COL13A1: variants seen among roughly 807,000 people sequenced by gnomAD.
The protein encoded by COL13A1 is collagen type XIII alpha 1 chain, also known as collagen alpha-1(XIII) chain.
In COL13A1, 89 loss-of-function variants were observed where a neutral mutation model predicts 130.9. That is an observed-to-expected ratio of 0.68 (90% CI 0.57 to 0.81). The LOEUF is 0.81. Among genes scored for constraint, COL13A1 ranks in the 30% least tolerant of loss-of-function variants. COL13A1 has a pLI of 0.00. For missense variants in COL13A1, 879 were observed against 934.6 expected (o/e 0.94, Z 0.78); for synonymous variants, 402 against 341.6 (o/e 1.18, Z -1.95).
rs771385632 is a variant in COL13A1 at position 69,917,300 on chromosome 10, C to T, written c.933C>T (p.Gly311=). 46 of 1,613,578 alleles carry T rather than the reference C, an allele frequency of 2.9e-5. No individual in the cohort carries two copies. The Admixed American group carries it at 7.7e-4, about 27-fold the overall frequency. The change falls in exon 18 of 41, where the codon GGC becomes GGT. Residue 311 remains glycine (G), a synonymous_variant. Transcript: ENST00000645393. Reference sequence around the variant, plus strand: ...ATTTCTTCCTCCAGGGAGAACGGGGCATGCCAGGGATGCCAGGCAAGCATG... The same window carrying T: ...ATTTCTTCCTCCAGGGAGAACGGGGTATGCCAGGGATGCCAGGCAAGCATG... ...QGYHGRKGER[G]MPGMPGKHGA...
At chr10:69,883,081 G>T (rs1306620158) in intron 7 of COL13A1, among the ~76,000 whole-genome samples, 1 of 152,190 alleles carries the variant, frequency 6.6e-6, no homozygotes, top group Non-Finnish European at 1.5e-5. Flanking sequence ...GCCACTCTTA[G>T]GGGCCACCTG....
intron 4 of COL13A1, 105 bp from the exon 5 acceptor site, chr10:69,875,023 G>A (rs2059436264): frequency 7.1e-7 from 1 of 1,411,186 alleles, no homozygotes; most frequent in African/African-American, 1.4e-5. Context: ...GCTGCAAACT[G>A]GGTTAGCTGT....
chr10:69,897,096 G>C (rs1161799585), intron 13 of COL13A1, among the ~76,000 whole-genome samples: 2 of 151,992 alleles, frequency 1.3e-5, no homozygotes, highest in African/African-American at 4.8e-5. Context: ...GTGACAGAAG[G>C]CTGCAGAATA....
intron 26 of COL13A1, chr10:69,926,101 T>C (rs2065316304): frequency 7.4e-6 from 4 of 537,386 alleles, no homozygotes; most frequent in Non-Finnish European, 1.3e-5. Context: ...GCTCTCTGTC[T>C]GGGCCCAGCT....
At chr10:69,878,863 T>C (rs535681869) in intron 6 of COL13A1, among the ~76,000 whole-genome samples, 1 of 152,376 alleles carries the variant, frequency 6.6e-6, no homozygotes, top group Non-Finnish European at 1.5e-5. Flanking sequence ...TGGCCCAAGA[T>C]GGCACAGCAA....
At chr10:69,887,395 A>C (rs542550851) in intron 7 of COL13A1, 61 bp from the exon 8 acceptor site, 40 of 1,549,788 alleles carry the variant, frequency 2.6e-5, no homozygotes, top group Admixed American at 1.5e-4. Flanking sequence ...CTGGAGGCCT[A>C]GGGATTGGCT....
Position 69,927,462 on chromosome 10 carries a change from T to C in COL13A1, c.1422+352T>C, listed in dbSNP as rs533154280. On this transcript the variant is annotated intron_variant, in intron 27 of 40. Transcript: ENST00000645393. ...GGATGTTTTTAATGTTTCTCTTTTT[T>C]CCCAACTTTTAGCTAATTAAATCCT... Among the ~76,000 whole-genome samples, 14 of 152,290 alleles carry C rather than the reference T, an allele frequency of 9.2e-5. No individual in the cohort carries two copies. The East Asian group carries it at 9.6e-4, about 10-fold the overall frequency.
intron 13 of COL13A1, among the ~76,000 whole-genome samples, chr10:69,896,474 T>A (rs551806421): frequency 6.6e-6 from 1 of 152,138 alleles, no homozygotes; most frequent in Admixed American, 6.5e-5. Context: ...TCTTTAGGCA[T>A]CTCTCCCCGC....
chr10:69,907,405 G>C (rs1289811855), intron 17 of COL13A1, among the ~76,000 whole-genome samples: 1 of 152,210 alleles, frequency 6.6e-6, no homozygotes, highest in Non-Finnish European at 1.5e-5. Context: ...GAAGCCGACA[G>C]TCAAGGGGCC....
At chr10:69,818,831 G>A (rs2132507653) in intron 1 of COL13A1, among the ~76,000 whole-genome samples, 1 of 152,310 alleles carries the variant, frequency 6.6e-6, no homozygotes, top group African/African-American at 2.4e-5. Context: ...CCTATGGTGA[G>A]GACACTGTTC....
intron 36 of COL13A1, among the ~76,000 whole-genome samples, chr10:69,944,700 A>G (rs924985905): frequency 2.0e-5 from 3 of 149,528 alleles, no homozygotes; most frequent in Non-Finnish European, 4.4e-5. Flanking sequence ...GAAAGAAAGA[A>G]AAAGAAAAAG....
chr10:69,885,937 T>C (rs535140359), intron 7 of COL13A1, among the ~76,000 whole-genome samples: 5 of 152,288 alleles, frequency 3.3e-5, no homozygotes, highest in African/African-American at 1.2e-4. Context: ...CACTCCCTGT[T>C]GAACCAGCGC....
chr10:69,812,151 C>T (rs572222348), intron 1 of COL13A1, among the ~76,000 whole-genome samples: 3 of 152,234 alleles, frequency 2.0e-5, no homozygotes, highest in Middle Eastern at 3.2e-3. Flanking sequence ...GGCTAGAGAC[C>T]GCATTGCTAA....
chr10:69,945,625 G>T (rs778223817), intron 36 of COL13A1, 46 bp from the exon 37 acceptor site: 1 of 1,596,554 alleles, frequency 6.3e-7, no homozygotes, highest in Non-Finnish European at 8.5e-7. Context: ...AAGGAAGATT[G>T]TTACCGTGTC....
At chr10:69,898,787 C>T (rs1362226886) in intron 14 of COL13A1, 25 bp downstream of exon 14, 6 of 1,593,084 alleles carry the variant, frequency 3.8e-6, no homozygotes. Flanking sequence ...TTTGTCCAGA[C>T]CATGTGTGGT....
intron 2 of COL13A1, among the ~76,000 whole-genome samples, chr10:69,826,807 C>A (rs1242569226): frequency 6.6e-6 from 1 of 152,164 alleles, no homozygotes; most frequent in Non-Finnish European, 1.5e-5. Flanking sequence ...CTGGCTCTGC[C>A]ATCTTCATCT....
At chr10:69,908,615 G>C (rs1210933636) in intron 17 of COL13A1, among the ~76,000 whole-genome samples, 1 of 152,190 alleles carries the variant, frequency 6.6e-6, no homozygotes, top group Admixed American at 6.5e-5. Flanking sequence ...TCCTGAGTAC[G>C]GAGAATCCTC....
intron 1 of COL13A1, among the ~76,000 whole-genome samples, chr10:69,817,678 C>G (rs1844935786): frequency 6.6e-6 from 1 of 151,924 alleles, no homozygotes. Flanking sequence ...GGTGTCAAGG[C>G]AGTGGAGGGT....
chr10:69,894,571 G>A lies in COL13A1; in HGVS notation c.623G>A (p.Gly208Glu), dbSNP rs572592833. Reference protein sequence around the residue: ...KGDMGLTGPPGQPGPQGQKGE... With the variant: ...KGDMGLTGPPEQPGPQGQKGE... ...CCACAGGGTCTGACGGGTCCCCCAG[G>A]ACAGCCGGTTGGTACCTCATCCATC... Residue 208 changes from glycine to glutamate, a missense_variant, in exon 11 of 41, where the codon GGA becomes GAA. Physicochemically the swap from Gly to Glu is moderately conservative, Grantham distance 98 (BLOSUM62 -2). This residue lies in a region of COL13A1 where 715 missense variants were observed against 721.0 expected (regional missense o/e 0.99). Coordinates refer to ENST00000645393, the MANE Select transcript of COL13A1 (RefSeq NM_001368882.1). The A allele has an allele frequency of 6.8e-6, 11 of 1,614,000 alleles. No individual in the cohort carries two copies. The East Asian group carries it at 8.9e-5, about 13-fold the overall frequency.
Sources: allele counts gnomAD v4.1 joint callset (sites outside exome capture counted in the v4.1 genomes callset), GRCh38; gene constraint gnomAD v4.1.1; regional missense constraint gnomAD v4.1.1; transcripts MANE v1.5; gene names NCBI Gene and HGNC (gene_info 2026-07-23, HGNC 2026-07-21).